Variants in KCNJ15 observed in about 807,000 individuals in gnomAD.
The protein encoded by KCNJ15 is potassium inwardly rectifying channel subfamily J member 15, also known as ATP-sensitive inward rectifier potassium channel 15.
A neutral mutation model predicts 23.0 loss-of-function variants in KCNJ15; 14 were observed. The observed-to-expected ratio is 0.61, with a 90% CI of 0.40 to 0.95. The LOEUF is 0.95. Ranked by LOEUF, KCNJ15 falls within the 40% of genes least tolerant of loss-of-function variation. The pLI, the probability that KCNJ15 is intolerant of heterozygous loss-of-function variation, is 0.00. For missense variants in KCNJ15, 388 were observed against 461.8 expected, an observed-to-expected ratio of 0.84 and a Z score of 1.46; for synonymous variants, 185 against 183.2, an observed-to-expected ratio of 1.01 and a Z score of -0.08.
At chr21:38,232,547 T>G (rs1978344765) in intron 1 of KCNJ15, among the ~76,000 whole-genome samples, 1 of 151,882 alleles carries the variant, frequency 6.6e-6, no homozygotes, top group African/African-American at 2.4e-5. Flanking sequence ...GGGTAATTGA[T>G]TTGAGGTCTT....
chr21:38,288,458 A>C (rs1471828289), intron 1 of KCNJ15, among the ~76,000 whole-genome samples: 1 of 152,206 alleles, frequency 6.6e-6, no homozygotes, highest in South Asian at 2.1e-4. Flanking sequence ...ATGCAGGTGA[A>C]TTACATCAGA....
At chr21:38,289,942 G>C (rs1056014220) in intron 1 of KCNJ15, among the ~76,000 whole-genome samples, 2 of 152,276 alleles carry the variant, frequency 1.3e-5, no homozygotes, top group South Asian at 4.1e-4. Context: ...GAGAGGCCAA[G>C]GGTGGTAAAC....
Position 38,290,391 on chromosome 21 carries a change from A to G in KCNJ15, c.-116-6535A>G, listed in dbSNP as rs145479902. 8.4e-3 allele frequency among the ~76,000 whole-genome samples: 1,280 copies of G among 152,352 alleles called. 20 individuals are homozygous for G. The highest frequency in any genetic ancestry group is 0.03 in the African/African-American group (1,244 of 41,574). The stretch of plus-strand genomic sequence containing the variant: ...AGTACTTATGGAATTTCAAACAATA[A>G]TAATGGAACAGAAACATAGGAAAAA... On this transcript the variant is annotated intron_variant, in intron 1 of 2. Coordinates refer to ENST00000398938, the MANE Select transcript of KCNJ15 (RefSeq NM_170736.3).
intron 1 of KCNJ15, among the ~76,000 whole-genome samples, chr21:38,293,779 C>T (rs865793915): frequency 5.9e-5 from 9 of 152,210 alleles, no homozygotes; most frequent in Non-Finnish European, 8.8e-5. Flanking sequence ...AGATACAAAC[C>T]GAAGGATTGC....
At chr21:38,273,427 C>T (rs1003954923) in intron 1 of KCNJ15, among the ~76,000 whole-genome samples, 1 of 152,222 alleles carries the variant, frequency 6.6e-6, no homozygotes, top group Non-Finnish European at 1.5e-5. Context: ...TACTGTCATC[C>T]TAGTATTTGA....
chr21:38,276,937 TA>T (rs1982764515), intron 1 of KCNJ15, among the ~76,000 whole-genome samples: 1 of 152,024 alleles, frequency 6.6e-6, no homozygotes, highest in African/African-American at 2.4e-5. Context: ...ATATAATATC[TA>T]AAAATGACCA....
intron 1 of KCNJ15, chr21:38,291,669 C>G (rs1319372312): frequency 6.6e-6 from 1 of 152,192 alleles, no homozygotes; most frequent in Non-Finnish European, 1.5e-5. Context: ...GGTCTAACAG[C>G]ATCGGGGATA....
At chr21:38,249,105 A>G (rs533418476) in intron 1 of KCNJ15, among the ~76,000 whole-genome samples, 1 of 152,320 alleles carries the variant, frequency 6.6e-6, no homozygotes, top group South Asian at 2.1e-4. Context: ...GAAAGAAAGA[A>G]TATAACCATT....
chr21:38,288,018 G>GTTTTTTCTTTT (rs1569010852), intron 1 of KCNJ15, among the ~76,000 whole-genome samples: 1 of 26,018 alleles, frequency 3.8e-5, no homozygotes, highest in African/African-American at 9.6e-5. Flanking sequence ...TAAATAACTT[G>GTTTTTTCTTTT]TTTTTTTCTT....
intron 1 of KCNJ15, among the ~76,000 whole-genome samples, chr21:38,279,564 A>G (rs1983104350): frequency 6.6e-6 from 1 of 152,124 alleles, no homozygotes; most frequent in African/African-American, 2.4e-5. Context: ...ATAAGGAATG[A>G]AATGTATTTG....
At chr21:38,265,149 C>T (rs1981331339) in intron 1 of KCNJ15, among the ~76,000 whole-genome samples, 1 of 152,148 alleles carries the variant, frequency 6.6e-6, no homozygotes, top group Admixed American at 6.5e-5. Context: ...GTTAGCATAC[C>T]TGTGGCAATA....
chr21:38,233,688 A>T (rs934456096), intron 1 of KCNJ15, among the ~76,000 whole-genome samples: 13 of 152,292 alleles, frequency 8.5e-5, no homozygotes, highest in African/African-American at 3.1e-4. Flanking sequence ...AGGGAATATC[A>T]TCACTAATTT....
intron 1 of KCNJ15, among the ~76,000 whole-genome samples, chr21:38,275,309 T>A (rs928525480): frequency 6.6e-6 from 1 of 152,112 alleles, no homozygotes; most frequent in African/African-American, 2.4e-5. Context: ...CTTTTCAGTT[T>A]AACCCGCATC....
chr21:38,265,017 A>G (rs1422333114), intron 1 of KCNJ15, among the ~76,000 whole-genome samples: 1 of 152,232 alleles, frequency 6.6e-6, no homozygotes, highest in Non-Finnish European at 1.5e-5. Flanking sequence ...AATAAAAGAA[A>G]GAATATACTG....
intron 1 of KCNJ15, among the ~76,000 whole-genome samples, chr21:38,288,045 T>TG (rs1984151597): frequency 1.1e-5 from 1 of 95,218 alleles, no homozygotes; most frequent in Non-Finnish European, 2.3e-5. Flanking sequence ...TTTTTTTTTT[T>TG]TTTTTTTTTT....
intron 1 of KCNJ15, among the ~76,000 whole-genome samples, chr21:38,250,210 A>G (rs1412475822): frequency 6.6e-6 from 1 of 152,198 alleles, no homozygotes; most frequent in Non-Finnish European, 1.5e-5. Flanking sequence ...TGCTAATAAT[A>G]AATACCCAAG....
At chr21:38,240,180 A>T (rs897716823) in intron 1 of KCNJ15, among the ~76,000 whole-genome samples, 6 of 152,124 alleles carry the variant, frequency 3.9e-5, no homozygotes, top group African/African-American at 1.4e-4. Flanking sequence ...TTTAATGGCC[A>T]TCAAGAAATA....
At chr21:38,283,463 CAT>C (rs1186481096) in intron 1 of KCNJ15, among the ~76,000 whole-genome samples, 2 of 152,168 alleles carry the variant, frequency 1.3e-5, no homozygotes, top group Non-Finnish European at 2.9e-5. Context: ...TTTTAAAAAA[CAT>C]ATTTAGCATT....
chr21:38,238,345 G>C, intron 1 of KCNJ15: 2 of 717,872 alleles, frequency 2.8e-6, no homozygotes, highest in Non-Finnish European at 5.2e-6. Flanking sequence ...ACTCAGGAAA[G>C]GCAGCCAGTG....
Sources: allele counts gnomAD v4.1 joint callset (sites outside exome capture counted in the v4.1 genomes callset), GRCh38; gene constraint gnomAD v4.1.1; transcripts MANE v1.5; gene names NCBI Gene and HGNC (gene_info 2026-07-23, HGNC 2026-07-21).